The following ELMOD3 variants were observed in gnomAD, a reference collection of about 807,000 sequenced individuals.
ELMOD3 encodes the protein ELMO domain containing 3.
ELMOD3 carries 36 observed loss-of-function variants against 47.4 expected under a neutral mutation model. The observed-to-expected ratio is 0.76, with a 90% CI of 0.58 to 1.00. The LOEUF is 1.00. Ranked by LOEUF, ELMOD3 falls within the 50% of genes least tolerant of loss-of-function variation. The pLI, the probability that ELMOD3 is intolerant of heterozygous loss-of-function variation, is 0.00. For missense variants in ELMOD3, 404 were observed against 463.8 expected (o/e 0.87, Z 1.18); for synonymous variants, 149 against 183.5 (o/e 0.81, Z 1.52).
chr2:85,365,902 T>A (rs1183605840), intron 6 of ELMOD3, among the ~76,000 whole-genome samples: 1 of 152,030 alleles, frequency 6.6e-6, no homozygotes, highest in East Asian at 1.9e-4. Flanking sequence ...GGTAAGAGGG[T>A]GAAGGATCCT....
rs900901928 is a variant in ELMOD3 at position 85,390,793 on chromosome 2, G to A, written c.977G>A (p.Arg326Gln). Residue 326 changes from arginine to glutamine, a missense_variant, in exon 14 of 14, where the codon CGG becomes CAG. Coordinates refer to ENST00000409013, the MANE Select transcript of ELMOD3 (RefSeq NM_001135022.2). The stretch of plus-strand genomic sequence containing the variant: ...GTATTGGCCAAGAAGAGCCCACGGC[G>A]GCTGCTCAAGACCCTGGAGCTGTAC... ...LEVLAKKSPR[R>Q]LLKTLELYLA... 31 of 1,551,366 alleles carry A rather than the reference G, an allele frequency of 2.0e-5. 1 individual carries two copies. The East Asian group carries it at 5.4e-4, about 27-fold the overall frequency.
At chr2:85,355,481 T>A (rs961805769) in intron 2 of ELMOD3, 74 bp from the exon 3 acceptor site, 1 of 152,190 alleles carries the variant, frequency 6.6e-6, no homozygotes, top group Admixed American at 6.5e-5. Flanking sequence ...TTTCCTTAGG[T>A]CCAACTATCA....
chr2:85,366,571 T>C (rs936757069), intron 6 of ELMOD3, among the ~76,000 whole-genome samples: 1 of 152,210 alleles, frequency 6.6e-6, no homozygotes, highest in Non-Finnish European at 1.5e-5. Flanking sequence ...TCCTAGGAAG[T>C]AGAATTACCC....
chr2:85,383,411 G>A (rs569683306), intron 11 of ELMOD3, among the ~76,000 whole-genome samples: 96 of 151,858 alleles, frequency 6.3e-4, no homozygotes, highest in Non-Finnish European at 1.1e-3. Flanking sequence ...GTGACAGGGC[G>A]AGACTCTGTT....
Position 85,389,814 on chromosome 2 carries a change from G to A in ELMOD3, c.802G>A (p.Glu268Lys). The A allele has an allele frequency of 6.2e-7, 1 of 1,613,464 alleles. No individual in the cohort carries two copies. The highest frequency in any genetic ancestry group is 1.1e-5 in the South Asian group (1 of 91,060). ...THIAIQALRE[E>K]CLSRECNRQQ... ...CATTGCCATCCAGGCCTTGAGAGAG[G>A]AGTGTCTCTCCAGGTGAGTCCCCAA... is the stretch of plus-strand genomic sequence containing the variant. The change falls in exon 12 of 14, where the codon GAG becomes AAG. Residue 268 changes from glutamate to lysine, a missense_variant. Physicochemically the swap from Glu to Lys is moderately conservative, Grantham distance 56 (BLOSUM62 1). Transcript: ENST00000409013.
chr2:85,386,503 G>A (rs1685935280), intron 11 of ELMOD3, among the ~76,000 whole-genome samples: 1 of 148,588 alleles, frequency 6.7e-6, no homozygotes, highest in Non-Finnish European at 1.5e-5. Context: ...TTCTGCCTGA[G>A]CCTCCCAAGT....
chr2:85,380,621 G>A (rs973853197), intron 11 of ELMOD3, among the ~76,000 whole-genome samples: 2 of 152,178 alleles, frequency 1.3e-5, no homozygotes, highest in Non-Finnish European at 2.9e-5. Flanking sequence ...CACCTCCCAG[G>A]TTCAAGCGAT....
chr2:85,359,621 G>A (rs997603934), intron 4 of ELMOD3, among the ~76,000 whole-genome samples: 6 of 151,802 alleles, frequency 4.0e-5, no homozygotes, highest in Non-Finnish European at 8.8e-5. Flanking sequence ...GTAGAAACAG[G>A]GTTTCACCAT....
chr2:85,374,847 C>G (rs919358193), intron 10 of ELMOD3, among the ~76,000 whole-genome samples: 17 of 151,838 alleles, frequency 1.1e-4, no homozygotes, highest in African/African-American at 3.6e-4. Flanking sequence ...CGCGGTGGCT[C>G]ATCCTGTAAT....
At chr2:85,367,230 T>C (rs1236547558) in intron 6 of ELMOD3, among the ~76,000 whole-genome samples, 1 of 152,178 alleles carries the variant, frequency 6.6e-6, no homozygotes, top group Non-Finnish European at 1.5e-5. Flanking sequence ...AAGCACGGGT[T>C]GTCAGGGTCT....
chr2:85,375,062 G>T (rs1362399688), intron 10 of ELMOD3, among the ~76,000 whole-genome samples: 1 of 151,558 alleles, frequency 6.6e-6, no homozygotes, highest in Non-Finnish European at 1.5e-5. Flanking sequence ...CAGCCTGGGC[G>T]ACAGAGCGAG....
intron 4 of ELMOD3, among the ~76,000 whole-genome samples, chr2:85,359,210 G>A (rs1683769613): frequency 6.6e-6 from 1 of 152,052 alleles, no homozygotes; most frequent in Admixed American, 6.6e-5. Flanking sequence ...GAATATATCT[G>A]TTAGATAAAT....
In ELMOD3 at chr2:85,383,877, C is replaced by T. The variant is rs77962329; in HGVS notation, c.739-5874C>T. On this transcript the variant is annotated intron_variant, in intron 11 of 13. Coordinates refer to ENST00000409013, the MANE Select transcript of ELMOD3 (RefSeq NM_001135022.2). The stretch of plus-strand genomic sequence containing the variant: ...GTTTTTCCAAGGTTGGGAATGCGCA[C>T]CTGTGACACAGCCTCAGGAGGTGCT... 5.3e-3 allele frequency among the ~76,000 whole-genome samples: 806 copies of T among 152,312 alleles called. 11 individuals carry two copies. The highest frequency in any genetic ancestry group is 0.018 in the African/African-American group (755 of 41,574).
chr2:85,364,825 A>ATTTTT (rs869054374), intron 6 of ELMOD3, among the ~76,000 whole-genome samples: 155 of 69,910 alleles, frequency 2.2e-3, no homozygotes, highest in East Asian at 4.0e-3. Context: ...ATATATATAT[A>ATTTTT]TTTTTTTTTT....
chr2:85,363,089 C>T lies in ELMOD3; in HGVS notation c.130-8C>T. The T allele has an allele frequency of 1.3e-6, 2 of 1,596,420 alleles. No homozygotes were observed. The highest frequency in any genetic ancestry group is 1.7e-6 in the Non-Finnish European group (2 of 1,164,190). ...TATCCTCAAGCTAAAGGTCAGCTGC[C>T]TCTACAGATCTCAGAGTTGAAGAAC... On this transcript the variant is annotated splice_region_variant and splice_polypyrimidine_tract_variant and intron_variant, in intron 5 of 13. Coordinates refer to ENST00000409013, the MANE Select transcript of ELMOD3 (RefSeq NM_001135022.2).
intron 11 of ELMOD3, among the ~76,000 whole-genome samples, chr2:85,381,507 TTTTATAACC>T (rs1415523505): frequency 2.0e-5 from 3 of 152,242 alleles, no homozygotes; most frequent in African/African-American, 7.2e-5. Context: ...TCCATAAGCC[TTTTATAACC>T]TTTATAACCT....
chr2:85,360,057 C>G (rs922500489), intron 4 of ELMOD3, among the ~76,000 whole-genome samples: 36 of 152,120 alleles, frequency 2.4e-4, no homozygotes, highest in African/African-American at 8.4e-4. Flanking sequence ...GCGCGAGACT[C>G]TATCTCAAAA....
chr2:85,389,419 T>G, intron 11 of ELMOD3: 1 of 341,306 alleles, frequency 2.9e-6, no homozygotes, highest in Non-Finnish European at 5.4e-6. Context: ...GGCCCAGGGG[T>G]TGGGTCTGCT....
chr2:85,367,089 TTTCA>T (rs1266630216), intron 6 of ELMOD3, among the ~76,000 whole-genome samples: 2 of 152,216 alleles, frequency 1.3e-5, no homozygotes, highest in Non-Finnish European at 2.9e-5. Context: ...TATATTGTGC[TTTCA>T]TTCATTCATT....
Sources: allele counts gnomAD v4.1 joint callset (sites outside exome capture counted in the v4.1 genomes callset), GRCh38; gene constraint gnomAD v4.1.1; transcripts MANE v1.5; gene names NCBI Gene and HGNC (gene_info 2026-07-23, HGNC 2026-07-21).